The following FBXL7 variants were observed in gnomAD, a reference collection of about 807,000 sequenced individuals.
The protein encoded by FBXL7 is F-box/LRR-repeat protein 7.
FBXL7 carries 12 observed loss-of-function variants against 38.3 expected under a neutral mutation model. That is an observed-to-expected ratio of 0.31 (90% confidence interval 0.20 to 0.51). The LOEUF is 0.51. Among genes scored for constraint, FBXL7 ranks in the 20% least tolerant of loss-of-function variants. FBXL7 has a pLI of 0.98. For missense variants in FBXL7, 567 were observed against 676.4 expected, an observed-to-expected ratio of 0.84 and a Z score of 1.79; for synonymous variants, 297 against 300.9, an observed-to-expected ratio of 0.99 and a Z score of 0.13.
At chr5:15,645,864 A>G (rs903309043) in intron 2 of FBXL7, among the ~76,000 whole-genome samples, 1 of 152,048 alleles carries the variant, frequency 6.6e-6, no homozygotes, top group Non-Finnish European at 1.5e-5. Context: ...TGAAAACGAC[A>G]ATGTTGTTGC....
At chr5:15,615,067 G>A (rs1031682511) in intron 1 of FBXL7, among the ~76,000 whole-genome samples, 2 of 152,200 alleles carry the variant, frequency 1.3e-5, no homozygotes, top group Admixed American at 6.5e-5. Context: ...CCATGAGGGC[G>A]TCTTAGGAAT....
At chr5:15,847,143 G>C (rs990131553) in intron 2 of FBXL7, among the ~76,000 whole-genome samples, 1 of 152,080 alleles carries the variant, frequency 6.6e-6, no homozygotes, top group Non-Finnish European at 1.5e-5. Context: ...GATGGTCCCT[G>C]AATTAATCCA....
intron 2 of FBXL7, among the ~76,000 whole-genome samples, chr5:15,679,047 ACT>A (rs1259315609): frequency 6.6e-6 from 1 of 152,118 alleles, no homozygotes; most frequent in Admixed American, 6.5e-5. Flanking sequence ...TTTTCTGCAG[ACT>A]CTCTGCCACC....
chr5:15,848,755 CTG>C (rs10591233), intron 2 of FBXL7, among the ~76,000 whole-genome samples: 5,484 of 152,238 alleles, frequency 0.036, 294 homozygotes, highest in African/African-American at 0.13. Flanking sequence ...ACTAAAGTAA[CTG>C]TGGGATTTTG....
At chr5:15,812,943 G>A (rs1374997362) in intron 2 of FBXL7, among the ~76,000 whole-genome samples, 2 of 152,056 alleles carry the variant, frequency 1.3e-5, no homozygotes, top group Non-Finnish European at 2.9e-5. Flanking sequence ...TCTGTTATTG[G>A]TGTATAGGAA....
At chr5:15,598,208 T>C (rs1739682055) in intron 1 of FBXL7, among the ~76,000 whole-genome samples, 1 of 152,214 alleles carries the variant, frequency 6.6e-6, no homozygotes. Flanking sequence ...CCAGAGTACA[T>C]TAAACTGTTT....
chr5:15,846,051 C>G (rs539895241), intron 2 of FBXL7, among the ~76,000 whole-genome samples: 1 of 152,334 alleles, frequency 6.6e-6, no homozygotes, highest in South Asian at 2.1e-4. Context: ...CCAAATATAT[C>G]CACTATGGTG....
chr5:15,796,192 G>T (rs747251426), intron 2 of FBXL7, among the ~76,000 whole-genome samples: 1 of 152,140 alleles, frequency 6.6e-6, no homozygotes, highest in Admixed American at 6.5e-5. Flanking sequence ...GAATTATAAC[G>T]ATGATAAGAG....
At chr5:15,639,570 C>A (rs1032237305) in intron 2 of FBXL7, among the ~76,000 whole-genome samples, 2 of 151,932 alleles carry the variant, frequency 1.3e-5, no homozygotes, top group Admixed American at 6.6e-5. Flanking sequence ...AGTCTGTTAA[C>A]CCTATTCTTC....
At chr5:15,673,040 A>G (rs909512470) in intron 2 of FBXL7, among the ~76,000 whole-genome samples, 2 of 150,802 alleles carry the variant, frequency 1.3e-5, no homozygotes, top group African/African-American at 4.9e-5. Context: ...TAAAACCCAT[A>G]TAGTGGCCGG....
intron 2 of FBXL7, among the ~76,000 whole-genome samples, chr5:15,668,652 G>A (rs147525087): frequency 1.3e-5 from 2 of 152,208 alleles, no homozygotes; most frequent in Non-Finnish European, 2.9e-5. Context: ...CAGCAGTACA[G>A]CAAGATAGAA....
At chr5:15,609,122 C>G (rs1740132486) in intron 1 of FBXL7, among the ~76,000 whole-genome samples, 1 of 152,168 alleles carries the variant, frequency 6.6e-6, no homozygotes, top group Non-Finnish European at 1.5e-5. Context: ...ATGAAGCAGG[C>G]AGCCCTGATG....
intron 1 of FBXL7, among the ~76,000 whole-genome samples, chr5:15,516,034 C>T (rs1736927482): frequency 6.6e-6 from 1 of 152,088 alleles, no homozygotes. Flanking sequence ...CTTTAGAAAA[C>T]ATTCTTAGAC....
intron 3 of FBXL7, among the ~76,000 whole-genome samples, chr5:15,934,006 CTTTA>C (rs80130193): frequency 0.039 from 5,975 of 152,056 alleles, 339 homozygotes; most frequent in African/African-American, 0.13. Context: ...CGGTTTTTGT[CTTTA>C]TTTATCTATT....
intron 2 of FBXL7, among the ~76,000 whole-genome samples, chr5:15,903,934 C>A (rs1007039673): frequency 2.6e-5 from 4 of 151,864 alleles, no homozygotes; most frequent in Non-Finnish European, 5.9e-5. Context: ...TTGGAGAGTA[C>A]TTTTTTATAG....
intron 1 of FBXL7, among the ~76,000 whole-genome samples, chr5:15,612,716 C>T (rs1740290431): frequency 6.6e-6 from 1 of 152,116 alleles, no homozygotes. Context: ...GTGCCCGATA[C>T]AGTCAGACTC....
chr5:15,660,831 A>G (rs142398432), intron 2 of FBXL7, among the ~76,000 whole-genome samples: 1 of 152,338 alleles, frequency 6.6e-6, no homozygotes, highest in African/African-American at 2.4e-5. Flanking sequence ...ATGTATGTTC[A>G]CTTGATAGTA....
intron 2 of FBXL7, among the ~76,000 whole-genome samples, chr5:15,817,815 A>G (rs1738059359): frequency 6.6e-6 from 1 of 152,174 alleles, no homozygotes; most frequent in Non-Finnish European, 1.5e-5. Flanking sequence ...TTCTTTACAG[A>G]TTACCCAGTC....
intron 2 of FBXL7, among the ~76,000 whole-genome samples, chr5:15,901,525 A>G (rs1741234431): frequency 6.6e-6 from 1 of 152,236 alleles, no homozygotes; most frequent in African/African-American, 2.4e-5. Context: ...TGGGAGGACC[A>G]AAAGTTCCTT....
Sources: allele counts gnomAD v4.1 joint callset (sites outside exome capture counted in the v4.1 genomes callset), GRCh38; gene constraint gnomAD v4.1.1; transcripts MANE v1.5; gene names NCBI Gene and HGNC (gene_info 2026-07-23, HGNC 2026-07-21).